The following FSTL5 variants were observed in gnomAD, a reference collection of about 807,000 sequenced individuals.
FSTL5 encodes the protein follistatin like 5.
FSTL5 carries 62 observed loss-of-function variants against 89.1 expected under a neutral mutation model. That is an observed-to-expected ratio of 0.70 (90% confidence interval 0.57 to 0.86). The LOEUF is 0.86. FSTL5 is among the 40% of genes least tolerant of loss of function. FSTL5 has a pLI of 0.00. For synonymous variants in FSTL5, 383 were observed against 346.2 expected (o/e 1.11, Z -1.18); for missense variants, 1,057 against 1,001.6 (o/e 1.06, Z -0.75).
chr4:161,385,785 C>T lies in FSTL5; in HGVS notation c.2506G>A (p.Glu836Lys). The stretch of plus-strand genomic sequence containing the variant: ...ACCCAAATGACTGTATTTCCTTTTT[C>T]AACTTCAGTGATCTCACAGTTTAAT... ...NKLNCEITEV[E>K]KGNTVIWVGD... The change falls in exon 16 of 16, where the codon GAA becomes AAA. Residue 836 changes from glutamate (E) to lysine (K), a missense_variant. Glu to Lys is a moderately conservative substitution (Grantham distance 56). Transcript: ENST00000306100. The T allele has an allele frequency of 6.2e-7, 1 of 1,605,338 alleles. No homozygotes were observed.
intron 3 of FSTL5, among the ~76,000 whole-genome samples, chr4:162,011,336 A>T (rs572805568): frequency 6.6e-6 from 1 of 152,256 alleles, no homozygotes; most frequent in East Asian, 1.9e-4. Context: ...CCCACTCCCA[A>T]GATCAGATTT....
chr4:161,805,162 C>T (rs1028531029), intron 4 of FSTL5, among the ~76,000 whole-genome samples: 5 of 152,084 alleles, frequency 3.3e-5, no homozygotes, highest in East Asian at 1.9e-4. Context: ...TTCTTTATAC[C>T]GAGGGCATTC....
intron 4 of FSTL5, among the ~76,000 whole-genome samples, chr4:161,827,104 G>A (rs1730691617): frequency 6.6e-6 from 1 of 152,096 alleles, no homozygotes; most frequent in African/African-American, 2.4e-5. Flanking sequence ...GAAGACCTGG[G>A]ACTCAAGGGC....
intron 3 of FSTL5, among the ~76,000 whole-genome samples, chr4:162,024,854 A>G (rs1233623430): frequency 3.3e-5 from 5 of 151,848 alleles, no homozygotes; most frequent in Non-Finnish European, 7.4e-5. Flanking sequence ...GCAGGGTCTC[A>G]CTATGCTTTT....
intron 2 of FSTL5, among the ~76,000 whole-genome samples, chr4:162,038,372 C>T (rs1347805873): frequency 6.6e-6 from 1 of 151,782 alleles, no homozygotes; most frequent in Non-Finnish European, 1.5e-5. Context: ...TAAAGATTAG[C>T]AAAGACAATC....
chr4:161,594,569 TA>T (rs1733943841), intron 7 of FSTL5, among the ~76,000 whole-genome samples: 3 of 152,188 alleles, frequency 2.0e-5, no homozygotes, highest in South Asian at 4.1e-4. Context: ...CCCTTCTTTC[TA>T]AATTACCATA....
At chr4:162,016,961 G>C (rs1239293817) in intron 3 of FSTL5, among the ~76,000 whole-genome samples, 1 of 152,154 alleles carries the variant, frequency 6.6e-6, no homozygotes, top group Non-Finnish European at 1.5e-5. Context: ...AATTTACGAA[G>C]TCCTACAACT....
chr4:161,460,337 C>A (rs191380723), intron 13 of FSTL5, among the ~76,000 whole-genome samples: 3 of 140,114 alleles, frequency 2.1e-5, no homozygotes, highest in Admixed American at 1.6e-4. Context: ...GTGCTGCACC[C>A]GTTAACTTGT....
At chr4:161,988,795 T>A (rs1163884971) in intron 3 of FSTL5, among the ~76,000 whole-genome samples, 1 of 152,148 alleles carries the variant, frequency 6.6e-6, no homozygotes, top group African/African-American at 2.4e-5. Context: ...ATTCTAATAA[T>A]GAAATAACCC....
chr4:161,807,230 T>C (rs796239698), intron 4 of FSTL5, among the ~76,000 whole-genome samples: 5 of 111,716 alleles, frequency 4.5e-5, no homozygotes, highest in African/African-American at 2.3e-4. Flanking sequence ...CACACACACA[T>C]ATATATTTGT....
At chr4:161,448,813 G>T (rs114631179) in intron 15 of FSTL5, among the ~76,000 whole-genome samples, 3 of 152,044 alleles carry the variant, frequency 2.0e-5, no homozygotes, top group Non-Finnish European at 4.4e-5. Flanking sequence ...CACTGTTGAG[G>T]ATCCTAAAGG....
At chr4:162,072,812 AATCGGTAGACCAAGTAAAGCAGATTACT>A in intron 2 of FSTL5, among the ~76,000 whole-genome samples, 1 of 151,798 alleles carries the variant, frequency 6.6e-6, no homozygotes, top group Non-Finnish European at 1.5e-5. Context: ...TTGACATATA[AATCGGTAGACCAAGTAAAGCAGATTACT>A]CTCCCTAATT....
chr4:161,768,480 C>A (rs1487869007), intron 5 of FSTL5, among the ~76,000 whole-genome samples: 1 of 151,764 alleles, frequency 6.6e-6, no homozygotes, highest in African/African-American at 2.4e-5. Context: ...ACAGACTTAT[C>A]CATTATATCT....
chr4:161,809,175 C>T (rs550971581), intron 4 of FSTL5, among the ~76,000 whole-genome samples: 6 of 152,216 alleles, frequency 3.9e-5, no homozygotes, highest in African/African-American at 9.6e-5. Context: ...GCCATGATGG[C>T]GCCACTTCAC....
At chr4:161,910,073 C>G (rs1733647455) in intron 4 of FSTL5, among the ~76,000 whole-genome samples, 1 of 152,116 alleles carries the variant, frequency 6.6e-6, no homozygotes, top group African/African-American at 2.4e-5. Context: ...CTTTCCAAAT[C>G]AATGTTCATT....
intron 8 of FSTL5, among the ~76,000 whole-genome samples, chr4:161,572,663 A>C (rs1346286484): frequency 2.0e-5 from 3 of 152,174 alleles, no homozygotes; most frequent in African/African-American, 7.2e-5. Flanking sequence ...AATTTCTATA[A>C]TTTATCTCAT....
intron 7 of FSTL5, among the ~76,000 whole-genome samples, chr4:161,597,038 G>T (rs1734039338): frequency 2.0e-5 from 3 of 152,104 alleles, no homozygotes; most frequent in Admixed American, 6.6e-5. Context: ...AGTTTCATTA[G>T]ATCCCATTTG....
At position 161,573,842 on chromosome 4, in the gene FSTL5, C is replaced by A. The variant is rs1352641516; in HGVS notation, c.1015+13613G>T. ...GACAGAAAAGAAAAGAATAAAAGAC[C>A]ACAAATTTAGTGGCTTAAGGCAACA... is the stretch of plus-strand genomic sequence containing the variant. On this transcript the variant is annotated intron_variant, in intron 8 of 15. Transcript: ENST00000306100. 2.7e-5 allele frequency among the ~76,000 whole-genome samples: 4 copies of A among 150,208 alleles called. No individual in the cohort carries two copies. The East Asian group carries it at 7.9e-4, about 30-fold the overall frequency.
intron 3 of FSTL5, among the ~76,000 whole-genome samples, chr4:162,011,885 T>C (rs1736779304): frequency 6.6e-6 from 1 of 152,208 alleles, no homozygotes; most frequent in African/African-American, 2.4e-5. Context: ...TTTGAAAGCC[T>C]TCCTAAAACC....
Sources: gnomAD v4.1 joint callset for allele counts (sites outside exome capture counted in the v4.1 genomes callset) on GRCh38, gnomAD v4.1.1 for gene constraint, MANE v1.5 for transcripts, NCBI Gene and HGNC (gene_info 2026-07-23, HGNC 2026-07-21) for gene names.